PLEKHG1: variants seen among roughly 807,000 people sequenced by gnomAD.
The protein encoded by PLEKHG1 is pleckstrin homology domain-containing family G member 1.
A neutral mutation model predicts 100.8 loss-of-function variants in PLEKHG1; 44 were observed. That is an observed-to-expected ratio of 0.44 (90% CI 0.34 to 0.56). PLEKHG1 has a LOEUF of 0.56. PLEKHG1 is among the 20% of genes least tolerant of loss of function. The pLI is 0.01. For missense variants in PLEKHG1, 1,545 were observed against 1,720.9 expected (o/e 0.90, Z 1.81); for synonymous variants, 640 against 662.5 (o/e 0.97, Z 0.52).
chr6:150,725,122 C>T (rs141258786), intron 1 of PLEKHG1, among the ~76,000 whole-genome samples: 16 of 152,256 alleles, frequency 1.1e-4, no homozygotes, highest in South Asian at 8.3e-4. Flanking sequence ...AGGATCAAGG[C>T]GCCAACAGAT....
At chr6:150,768,011 G>C (rs755866776) in intron 2 of PLEKHG1, among the ~76,000 whole-genome samples, 1 of 152,232 alleles carries the variant, frequency 6.6e-6, no homozygotes, top group South Asian at 2.1e-4. Flanking sequence ...AGCTATGTCA[G>C]TTTAACCCAC....
chr6:150,826,208 G>A (rs924874193), intron 14 of PLEKHG1, among the ~76,000 whole-genome samples: 7 of 151,636 alleles, frequency 4.6e-5, no homozygotes, highest in South Asian at 2.1e-4. Flanking sequence ...CTGTAATCCC[G>A]GCACTTTGGG....
chr6:150,667,446 A>T (rs1313856256), intron 3 of PLEKHG1, among the ~76,000 whole-genome samples: 2 of 152,214 alleles, frequency 1.3e-5, no homozygotes, highest in Non-Finnish European at 2.9e-5. Context: ...TTGTCTTAAT[A>T]TGACACTAAA....
chr6:150,754,236 C>A (rs1050060771), intron 2 of PLEKHG1, among the ~76,000 whole-genome samples: 1 of 151,986 alleles, frequency 6.6e-6, no homozygotes, highest in Non-Finnish European at 1.5e-5. Flanking sequence ...AATAATAAAA[C>A]GACATGAGAG....
intron 3 of PLEKHG1, among the ~76,000 whole-genome samples, chr6:150,660,785 C>T (rs989700748): frequency 3.3e-5 from 5 of 152,160 alleles, no homozygotes; most frequent in Non-Finnish European, 7.3e-5. Flanking sequence ...CACCTGCCAA[C>T]GTGTGTGTTT....
rs191753216 is a variant in PLEKHG1 at position 150,795,694 on chromosome 6, C to T, written c.583-162C>T. 5.2e-3 allele frequency among the ~76,000 whole-genome samples: 783 copies of T among 151,348 alleles called. 1 individual carries two copies. The highest frequency in any genetic ancestry group is 9.3e-3 in the Admixed American group (141 of 15,176). On this transcript the variant is annotated intron_variant, in intron 4 of 15. Transcript: ENST00000358517. ...CCGAGATCATGCCATTGTACTCCAGCCTGGCCAACAAGAGCAAAACTCCGC... is the reference window on the plus strand; with the variant it reads ...CCGAGATCATGCCATTGTACTCCAGTCTGGCCAACAAGAGCAAAACTCCGC...
At chr6:150,818,794 A>G (rs945761143) in intron 11 of PLEKHG1, among the ~76,000 whole-genome samples, 4 of 152,266 alleles carry the variant, frequency 2.6e-5, no homozygotes, top group African/African-American at 9.6e-5. Context: ...TAAAAAGAGA[A>G]AACAGTGGCT....
exon 15 of PLEKHG1, chr6:150,830,673 G>A: frequency 6.2e-7 from 1 of 1,614,150 alleles, no homozygotes; most frequent in Non-Finnish European, 8.5e-7. Context: ...ACCATGATCA[G>A]CGTGCTTCGA....
intron 2 of PLEKHG1, among the ~76,000 whole-genome samples, chr6:150,646,802 C>A (rs556365856): frequency 9.2e-5 from 14 of 152,204 alleles, no homozygotes; most frequent in Admixed American, 9.2e-4. Flanking sequence ...GATTTTATAT[C>A]CCCTCAAAAA....
intron 10 of PLEKHG1, among the ~76,000 whole-genome samples, chr6:150,810,311 C>T (rs1787416741): frequency 6.8e-6 from 1 of 147,638 alleles, no homozygotes; most frequent in Admixed American, 6.7e-5. Context: ...ACTCTGTCAC[C>T]CAGGCTGGAG....
chr6:150,683,919 C>A lies in PLEKHG1; in HGVS notation c.-99+33133C>A. ...CGATCCTATGGTTTGGCACCTGCAG[C>A]CAGGGTGGTGGCAAGGGCAGTGGCA... On this transcript the variant is annotated intron_variant, in intron 3 of 3. Coordinates refer to the PLEKHG1 transcript ENST00000367326. This position sits in a 1 kb window ranked among gnomAD's most constrained non-coding sequence, Gnocchi z 4.0. The A allele has an allele frequency of 2.3e-6, 2 of 859,262 alleles. No individual in the cohort carries two copies. The highest frequency in any genetic ancestry group is 3.2e-6 in the Non-Finnish European group (2 of 626,620). 53.2% of individuals were successfully genotyped at this position (859,262 alleles called of 1,614,324 possible).
Position 150,805,531 on chromosome 6 carries a change from CT to C in PLEKHG1, c.912+802del, listed in dbSNP as rs1307779506. 1.8e-3 allele frequency among the ~76,000 whole-genome samples: 256 copies of C among 143,160 alleles called. 1 individual carries two copies. Among genetic ancestry groups the C allele is most frequent in the Middle Eastern group, 7.5e-3 (2 of 266 alleles). The allele number at this position is 143,160 out of a possible 152,430, so 93.9% of individuals were successfully genotyped here. A position where few individuals can be genotyped will look rare whatever the true frequency, so the allele number is the denominator to read the frequency against. The stretch of plus-strand genomic sequence containing the variant: ...CCCTCCAGCATGTCATTTCGGTTTC[CT>C]TTTTTTTTTTTGGAGACGAAGTTTC... On this transcript the variant is annotated intron_variant, in intron 7 of 15. Coordinates refer to ENST00000358517, the Ensembl canonical transcript of PLEKHG1.
At chr6:150,800,572 C>T in intron 5 of PLEKHG1, 147 bp from the exon 7 acceptor site, 2 of 674,032 alleles carry the variant, frequency 3.0e-6, no homozygotes, top group East Asian at 5.6e-5. Context: ...AACCCTTTCT[C>T]CAATTTGCCT....
chr6:150,721,641 G>A (rs970767992), intron 1 of PLEKHG1, among the ~76,000 whole-genome samples: 2 of 152,166 alleles, frequency 1.3e-5, no homozygotes, highest in Admixed American at 6.5e-5. Flanking sequence ...GTTTGCAAAT[G>A]TATGCTTAGC....
In PLEKHG1 at chr6:150,831,862, T is replaced by C; in HGVS notation, c.2751T>C (p.Phe917=). Reference sequence around the variant, plus strand: ...GAGCCAGCCGCGCCAACTGCCCCTTTGAGGAAGACCTGATTTCTAAAGAAG... The same window carrying C: ...GAGCCAGCCGCGCCAACTGCCCCTTCGAGGAAGACCTGATTTCTAAAGAAG... The change falls in exon 15 of 16, where the codon TTT becomes TTC. Residue 917 remains phenylalanine (F), a synonymous_variant. Transcript: ENST00000358517. This position sits in a 1 kb window ranked among gnomAD's most constrained non-coding sequence, Gnocchi z 4.1. 1 of 1,613,656 alleles carries C rather than the reference T, an allele frequency of 6.2e-7. No individual in the cohort carries two copies. Among genetic ancestry groups the C allele is most frequent in the African/African-American group, 1.3e-5 (1 of 75,022 alleles).
At chr6:150,656,926 T>C (rs554781605) in intron 3 of PLEKHG1, among the ~76,000 whole-genome samples, 4 of 152,322 alleles carry the variant, frequency 2.6e-5, no homozygotes, top group Non-Finnish European at 2.9e-5. Context: ...CCAACCCTCA[T>C]GTTTGCTAGT....
At chr6:150,642,855 G>T (rs1263364866) in intron 2 of PLEKHG1, among the ~76,000 whole-genome samples, 2 of 152,196 alleles carry the variant, frequency 1.3e-5, no homozygotes, top group Non-Finnish European at 2.9e-5. Flanking sequence ...TGATGTCTTA[G>T]GCAGTGGTTC....
chr6:150,708,575 C>T (rs1781116521), intron 3 of PLEKHG1, among the ~76,000 whole-genome samples: 1 of 152,186 alleles, frequency 6.6e-6, no homozygotes, highest in African/African-American at 2.4e-5. Flanking sequence ...GTCTCACTCA[C>T]CCAATTTCTA....
intron 3 of PLEKHG1, among the ~76,000 whole-genome samples, chr6:150,769,608 GA>G (rs1490786588): frequency 7.1e-6 from 1 of 140,666 alleles, no homozygotes; most frequent in African/African-American, 2.7e-5. Flanking sequence ...AAAAAAGAAA[GA>G]AAAAAGAAAA....
Sources: allele counts gnomAD v4.1 joint callset (sites outside exome capture counted in the v4.1 genomes callset), GRCh38; gene constraint gnomAD v4.1.1; non-coding constraint Gnocchi (gnomAD v3.1); transcripts MANE v1.5; gene names NCBI Gene and HGNC (gene_info 2026-07-23, HGNC 2026-07-21).